The following TDP1 variants were observed in gnomAD, a reference collection of about 807,000 sequenced individuals.
TDP1 encodes the protein tyrosyl-DNA phosphodiesterase 1.
Under a neutral mutation model 81.5 loss-of-function variants are expected in TDP1, and 64 were observed. That is an observed-to-expected ratio of 0.79 (90% CI 0.64 to 0.97). The LOEUF is 0.97. TDP1 is among the 50% of genes least tolerant of loss of function. The probability of loss-of-function intolerance (pLI) is 0.00; values close to 1 mark genes in which losing one functional copy is unlikely to be tolerated. For missense variants in TDP1, 723 were observed against 743.8 expected (o/e 0.97, Z 0.33); for synonymous variants, 256 against 264.3 (o/e 0.97, Z 0.30).
At chr14:90,040,993 G>C (rs1186647661) in intron 16 of TDP1, among the ~76,000 whole-genome samples, 1 of 152,226 alleles carries the variant, frequency 6.6e-6, no homozygotes, top group Non-Finnish European at 1.5e-5. Context: ...ACCTAATTTT[G>C]AGGGAGAGGA....
chr14:89,969,155 C>G (rs984045512), intron 5 of TDP1, among the ~76,000 whole-genome samples: 1 of 152,176 alleles, frequency 6.6e-6, no homozygotes, highest in Non-Finnish European at 1.5e-5. Flanking sequence ...GCCTCCAGAC[C>G]TGTGAGACAA....
rs200769126 is a variant in TDP1 at position 90,019,317 on chromosome 14, G to A, written c.1543G>A (p.Ala515Thr). The change falls in exon 15 of 17, where the codon GCA becomes ACA. Residue 515 changes from alanine to threonine, a missense_variant and splice_region_variant. Coordinates refer to ENST00000335725, the MANE Select transcript of TDP1 (RefSeq NM_018319.4). ...CTATCTGTGTCCTTGTCTCTGCAGC[G>A]CAAATCTGTCCAAGGCTGCCTGGGG... ...SKIAWFLVTSANLSKAAWGAL... is the reference protein window; with the variant it reads ...SKIAWFLVTSTNLSKAAWGAL... 293 of 1,600,180 alleles carry A rather than the reference G, an allele frequency of 1.8e-4. No individual in the cohort carries two copies. The highest frequency in any genetic ancestry group is 2.2e-4 in the Non-Finnish European group (254 of 1,167,840).
chr14:90,005,567 C>T (rs1897603323), intron 14 of TDP1, among the ~76,000 whole-genome samples: 1 of 152,122 alleles, frequency 6.6e-6, no homozygotes, highest in Non-Finnish European at 1.5e-5. Flanking sequence ...TTCATTCATT[C>T]CTCATTATAG....
At position 90,044,127 on chromosome 14, in the gene TDP1, A is replaced by T. The variant is rs1218646344; in HGVS notation, c.*984A>T. Reference sequence around the variant, plus strand: ...CTGCTGGCTGCCTCACTGCTTACAGACAGGTCCCACCAAACCCAAACACCT... The same window carrying T: ...CTGCTGGCTGCCTCACTGCTTACAGTCAGGTCCCACCAAACCCAAACACCT... On this transcript the variant is annotated 3_prime_UTR_variant, in exon 17 of 17. Coordinates refer to ENST00000335725, the MANE Select transcript of TDP1 (RefSeq NM_018319.4). 1 of 152,270 alleles carries T rather than the reference A, an allele frequency of 6.6e-6. No individual in the cohort carries two copies. The highest frequency in any genetic ancestry group is 1.5e-5 in the Non-Finnish European group (1 of 68,102). The allele number at this position is 152,270 out of a possible 1,614,324, so 9.4% of individuals were successfully genotyped here.
At chr14:89,963,033 G>T in intron 2 of TDP1, 75 bp from the exon 3 acceptor site, 1 of 1,609,154 alleles carries the variant, frequency 6.2e-7, no homozygotes, top group Non-Finnish European at 8.5e-7. Context: ...TGACAGGGAA[G>T]TTGAGAGCAA....
chr14:90,009,542 G>A (rs1298042315), intron 14 of TDP1, among the ~76,000 whole-genome samples: 2 of 152,182 alleles, frequency 1.3e-5, no homozygotes, highest in African/African-American at 4.8e-5. Context: ...TTTCAGGATA[G>A]TGGTTTGGGG....
chr14:90,000,645 A>T (rs1440468712), intron 14 of TDP1, among the ~76,000 whole-genome samples: 1 of 152,124 alleles, frequency 6.6e-6, no homozygotes, highest in Non-Finnish European at 1.5e-5. Flanking sequence ...TCGGCCCCCC[A>T]AAGTGCTGGG....
At position 89,963,557 on chromosome 14, in the gene TDP1, C is replaced by T; in HGVS notation, c.443C>T (p.Ser148Leu). The change falls in exon 3 of 17, where the codon TCA becomes TTA. Residue 148 changes from serine to leucine, a missense_variant. Transcript: ENST00000335725. ...GAGGAGGAAGACGAGTATGAGACATCAGGGGAGGGCCAGGACATTTGGGAC... is the reference window on the plus strand; with the variant it reads ...GAGGAGGAAGACGAGTATGAGACATTAGGGGAGGGCCAGGACATTTGGGAC... ...LKEEEDEYETSGEGQDIWDML... is the reference protein window; with the variant it reads ...LKEEEDEYETLGEGQDIWDML... 1 of 1,611,994 alleles carries T rather than the reference C, an allele frequency of 6.2e-7. No individual in the cohort carries two copies. Among genetic ancestry groups the T allele is most frequent in the Non-Finnish European group, 8.5e-7 (1 of 1,178,830 alleles).
rs192230840 is a variant in TDP1 at position 90,020,285 on chromosome 14, T to C, written c.1644+867T>C. On this transcript the variant is annotated intron_variant, in intron 15 of 16. Coordinates refer to ENST00000335725, the MANE Select transcript of TDP1 (RefSeq NM_018319.4). ...GTCACCTCCTTATACTCACTGTGGG[T>C]ACACACACACAGAATACAGAATCGC... Among the ~76,000 whole-genome samples the C allele has an allele frequency of 1.5e-3, 224 of 150,802 alleles. 1 individual carries two copies. The highest frequency in any genetic ancestry group is 5.2e-3 in the African/African-American group (211 of 40,626).
intron 6 of TDP1, among the ~76,000 whole-genome samples, chr14:89,973,200 A>G (rs1893859241): frequency 1.3e-5 from 2 of 152,194 alleles, no homozygotes; most frequent in Non-Finnish European, 2.9e-5. Context: ...GCAGTTGCCA[A>G]AATTCCATTG....
In TDP1 at chr14:89,960,503, C is replaced by T. The variant is rs116409918; in HGVS notation, c.-7-2605C>T. On this transcript the variant is annotated intron_variant, in intron 2 of 16. Transcript: ENST00000335725. ...AATATACCTATGCTATGAGTTTTAA[C>T]AACCCCTTGAAGTGGGCTGGACAGA... is the stretch of plus-strand genomic sequence containing the variant. Among the ~76,000 whole-genome samples the T allele has an allele frequency of 2.4e-3, 369 of 152,298 alleles. 1 individual carries two copies. Among genetic ancestry groups the T allele is most frequent in the African/African-American group, 8.1e-3 (338 of 41,564 alleles).
In TDP1 at chr14:89,957,650, C is replaced by G. The variant is rs1185037438; in HGVS notation, c.-8+850C>G. 4.6e-5 allele frequency among the ~76,000 whole-genome samples: 7 copies of G among 152,214 alleles called. 1 individual carries two copies. Among genetic ancestry groups the G allele is most frequent in the African/African-American group, 1.7e-4 (7 of 41,456 alleles). ...GGGGAGTGAGGAAACACTAGTAGCT[C>G]TAAATGGAGTACCCTTTTATATCCA... On this transcript the variant is annotated intron_variant, in intron 2 of 16. Coordinates refer to ENST00000335725, the MANE Select transcript of TDP1 (RefSeq NM_018319.4).
intron 16 of TDP1, chr14:90,042,756 G>T (rs184522209): frequency 1.6e-5 from 6 of 386,200 alleles, no homozygotes; most frequent in African/African-American, 1.1e-4. Context: ...GGAAAGACCC[G>T]CCCCCATGAT....
At chr14:89,998,372 T>TTATATATA (rs58264054) in intron 14 of TDP1, among the ~76,000 whole-genome samples, 67 of 53,094 alleles carry the variant, frequency 1.3e-3, no homozygotes, top group Non-Finnish European at 1.5e-3. Flanking sequence ...TCCAAGCACA[T>TTATATATA]TATATATATA....
At chr14:89,983,767 T>A (rs1895260240) in intron 8 of TDP1, among the ~76,000 whole-genome samples, 1 of 152,210 alleles carries the variant, frequency 6.6e-6, no homozygotes, top group Non-Finnish European at 1.5e-5. Flanking sequence ...TAGATATGAT[T>A]GTTTTCTATT....
At chr14:90,026,378 G>A (rs1596686051) in intron 15 of TDP1, among the ~76,000 whole-genome samples, 1 of 152,232 alleles carries the variant, frequency 6.6e-6, no homozygotes, top group East Asian at 1.9e-4. Context: ...CGCATCCAGC[G>A]AATAAAGCCA....
intron 14 of TDP1, among the ~76,000 whole-genome samples, chr14:90,011,954 G>T (rs1462289790): frequency 4.6e-5 from 7 of 152,252 alleles, no homozygotes; most frequent in Admixed American, 4.6e-4. Flanking sequence ...ATGTCTGCAG[G>T]GCATGTCAGA....
At chr14:90,007,902 C>CT (rs1884236067) in intron 14 of TDP1, among the ~76,000 whole-genome samples, 1 of 152,148 alleles carries the variant, frequency 6.6e-6, no homozygotes, top group South Asian at 2.1e-4. Flanking sequence ...TGGTCTTCCT[C>CT]TAAGTTCCTT....
rs34336096 is a variant in TDP1, at chr14:90,038,088, A to G, written c.1753+4874A>G. On this transcript the variant is annotated intron_variant, in intron 16 of 16. Transcript: ENST00000335725. ...TGCATCATATCAGGAGGCACATCCT[A>G]TCGATCTGTCTGATTACTGATGATG... Among the ~76,000 whole-genome samples, 211 of 152,316 alleles carry G rather than the reference A, an allele frequency of 1.4e-3. 2 individuals are homozygous for G. Among genetic ancestry groups the G allele is most frequent in the African/African-American group, 4.6e-3 (191 of 41,568 alleles).
Sources: gnomAD v4.1 joint callset for allele counts (sites outside exome capture counted in the v4.1 genomes callset) on GRCh38, gnomAD v4.1.1 for gene constraint, MANE v1.5 for transcripts, NCBI Gene and HGNC (gene_info 2026-07-23, HGNC 2026-07-21) for gene names.